Variants in ADGRL1 observed in about 807,000 individuals in gnomAD.
ADGRL1 encodes the protein CIRL-1.
ADGRL1 carries 31 observed loss-of-function variants against 148.9 expected under a neutral mutation model. The observed-to-expected ratio is 0.21, with a 90% CI of 0.16 to 0.28. ADGRL1 has a LOEUF of 0.28. ADGRL1 is among the 10% of genes least tolerant of loss of function. The pLI, the probability that ADGRL1 is intolerant of heterozygous loss-of-function variation, is 1.00. For missense variants in ADGRL1, 1,521 were observed against 2,058.8 expected (o/e 0.74, Z 5.05); for synonymous variants, 937 against 900.3 (o/e 1.04, Z -0.73).
intron 1 of ADGRL1, among the ~76,000 whole-genome samples, chr19:14,195,156 A>ATT (rs1972178551): frequency 6.6e-6 from 1 of 152,054 alleles, no homozygotes; most frequent in East Asian, 1.9e-4. Flanking sequence ...AAGTGCTGGG[A>ATT]TTACAGGTGT....
chr19:14,162,471 T>G lies in ADGRL1; in HGVS notation c.1195+135A>C, dbSNP rs1969493181. On this transcript the variant is annotated intron_variant, in intron 5 of 22. Coordinates refer to ENST00000361434, the MANE Select transcript of ADGRL1 (RefSeq NM_014921.5). The surrounding 1 kb of genome is among the most constrained non-coding windows in gnomAD (Gnocchi z 5.4). Reference sequence around the variant, plus strand: ...AGTGCTTAGAACAGCGTCTGTCACATGCTGTGAATTTCCTTTACCTCCCGA... The same window carrying G: ...AGTGCTTAGAACAGCGTCTGTCACAGGCTGTGAATTTCCTTTACCTCCCGA... 2 of 710,480 alleles carry G rather than the reference T, an allele frequency of 2.8e-6. No individual in the cohort carries two copies. Among genetic ancestry groups the G allele is most frequent in the Admixed American group, 5.1e-5 (2 of 39,242 alleles). The allele number at this position is 710,480 out of a possible 1,614,324, so 44.0% of individuals were successfully genotyped here. A position where few individuals can be genotyped will look rare whatever the true frequency, so the allele number is the denominator to read the frequency against.
At position 14,162,569 on chromosome 19, in the gene ADGRL1, C is replaced by T; in HGVS notation, c.1195+37G>A. On this transcript the variant is annotated intron_variant, in intron 5 of 22. Transcript: ENST00000361434. This position sits in a 1 kb window ranked among gnomAD's most constrained non-coding sequence, Gnocchi z 5.4. ...TGGGTGGGGGTGGAGGGGACAAAGG[C>T]AAGCAGGCTCCATGCCTGGAAGTGA... 1.3e-6 allele frequency: 2 copies of T among 1,562,854 alleles called. No individual in the cohort carries two copies. Among genetic ancestry groups the T allele is most frequent in the Non-Finnish European group, 1.7e-6 (2 of 1,149,414 alleles).
rs371684998 is a variant in ADGRL1, at chr19:14,157,155, G to A, written c.2746-10C>T. ...AGATGGGGCAGGCAATCTGCGGGGA[G>A]CACTGAGGGTGAGGGGCTGCTGCCT... On this transcript the variant is annotated splice_polypyrimidine_tract_variant and intron_variant, in intron 14 of 22. Coordinates refer to ENST00000361434, the MANE Select transcript of ADGRL1 (RefSeq NM_014921.5). This position sits in a 1 kb window ranked among gnomAD's most constrained non-coding sequence, Gnocchi z 7.5. 1 of 1,613,898 alleles carries A rather than the reference G, an allele frequency of 6.2e-7. No individual in the cohort carries two copies.
At chr19:14,205,560 C>T (rs1204020574) in intron 1 of ADGRL1, among the ~76,000 whole-genome samples, 2 of 151,902 alleles carry the variant, frequency 1.3e-5, no homozygotes, top group Non-Finnish European at 2.9e-5. Flanking sequence ...CGCTCACACC[C>T]AGACACCTAC....
chr19:14,156,825 G>A, intron 15 of ADGRL1, 100 bp downstream of exon 15: 1 of 1,519,396 alleles, frequency 6.6e-7, no homozygotes, highest in Non-Finnish European at 9.0e-7. Context: ...TCTGGGATCA[G>A]GAGGAGGAAG....
chr19:14,151,272 C>A lies in ADGRL1; in HGVS notation c.4011G>T (p.Glu1337Asp). ...ACTGGGCCCGGGGCAGCAGCAGAGG[C>A]TCCTCCAGGGCCTTATAGAGAAGTT... The part of the protein sequence containing the change: ...EIELLYKALE[E>D]PLLLPRAQSV... Residue 1337 changes from glutamate to aspartate, a missense_variant, in exon 23 of 23, where the codon GAG (glutamate) becomes GAT (aspartate). By Grantham distance (45) the Glu-to-Asp change is conservative. Coordinates refer to ENST00000361434, the MANE Select transcript of ADGRL1 (RefSeq NM_014921.5). The A allele has an allele frequency of 6.2e-7, 1 of 1,611,962 alleles. No individual in the cohort carries two copies. Among genetic ancestry groups the A allele is most frequent in the South Asian group, 1.1e-5 (1 of 91,068 alleles).
intron 1 of ADGRL1, among the ~76,000 whole-genome samples, chr19:14,191,696 CTT>C (rs202173891): frequency 6.9e-5 from 10 of 143,964 alleles, no homozygotes; most frequent in Admixed American, 2.1e-4. Context: ...CTGTCTCTCT[CTT>C]TTTTTTTTTT....
At chr19:14,186,777 G>A (rs1599494910) in intron 1 of ADGRL1, among the ~76,000 whole-genome samples, 1 of 152,080 alleles carries the variant, frequency 6.6e-6, no homozygotes, top group African/African-American at 2.4e-5. Context: ...GCCCCATTCT[G>A]TCCTCCCTCC....
rs1969097545 is a variant in ADGRL1 at position 14,159,313 on chromosome 19, G to T, written c.2023+88C>A. 1 of 1,574,298 alleles carries T rather than the reference G, an allele frequency of 6.4e-7. No individual in the cohort carries two copies. The highest frequency in any genetic ancestry group is 1.3e-5 in the African/African-American group (1 of 74,138). On this transcript the variant is annotated intron_variant, in intron 10 of 22. Coordinates refer to ENST00000361434, the MANE Select transcript of ADGRL1 (RefSeq NM_014921.5). The surrounding 1 kb of genome is among the most constrained non-coding windows in gnomAD (Gnocchi z 6.0). ...CGAGACTCTGGCAAGATGCCCAAGG[G>T]TCGGATAGCCCCCCTGTGGCCTCCA...
At chr19:14,167,926 G>A (rs905607695) in intron 4 of ADGRL1, among the ~76,000 whole-genome samples, 7 of 152,196 alleles carry the variant, frequency 4.6e-5, no homozygotes, top group Admixed American at 2.6e-4. Context: ...GCTGCCCTGC[G>A]GACGGGCGGC....
chr19:14,192,836 C>T lies in ADGRL1; in HGVS notation c.-95-9139G>A, dbSNP rs1386329453. 7.9e-5 allele frequency among the ~76,000 whole-genome samples: 12 copies of T among 152,324 alleles called. No homozygotes were observed. In the East Asian group the frequency reaches 2.3e-3, roughly 29 times the overall value. ...AAAGTGCTGAGATTACAGGCGTGAG[C>T]CACCGTGCCCAGCCTTCTAGATTTT... On this transcript the variant is annotated intron_variant, in intron 1 of 22. Coordinates refer to ENST00000361434, the MANE Select transcript of ADGRL1 (RefSeq NM_014921.5).
chr19:14,179,707 G>A (rs146988401), intron 2 of ADGRL1, among the ~76,000 whole-genome samples: 2,271 of 151,968 alleles, frequency 0.015, 48 homozygotes, highest in African/African-American at 0.053. Context: ...AGGAGTTTGA[G>A]ACCAGCCTGG....
chr19:14,158,198 T>C, intron 12 of ADGRL1, 140 bp downstream of exon 12: 1 of 1,209,908 alleles, frequency 8.3e-7, no homozygotes, highest in African/African-American at 1.5e-5. Context: ...CTGAGAGCTC[T>C]GGGGACAAAT....
chr19:14,190,378 C>G (rs1243457570), intron 1 of ADGRL1, among the ~76,000 whole-genome samples: 1 of 152,192 alleles, frequency 6.6e-6, no homozygotes, highest in Non-Finnish European at 1.5e-5. Flanking sequence ...GAGATCCTCC[C>G]ACCTCAGCCT....
At chr19:14,173,639 A>AAT (rs1172212766) in intron 3 of ADGRL1, among the ~76,000 whole-genome samples, 1 of 152,122 alleles carries the variant, frequency 6.6e-6, no homozygotes, top group Non-Finnish European at 1.5e-5. Context: ...AGGCAGCCCA[A>AAT]ACATCCACCA....
intron 1 of ADGRL1, among the ~76,000 whole-genome samples, chr19:14,195,376 G>T (rs1568630892): frequency 6.6e-6 from 1 of 151,834 alleles, no homozygotes; most frequent in Admixed American, 6.6e-5. Flanking sequence ...AGCGGCTGCT[G>T]GGGGAGAGGG....
intron 1 of ADGRL1, among the ~76,000 whole-genome samples, chr19:14,194,840 C>T (rs1018944861): frequency 6.6e-6 from 1 of 151,932 alleles, no homozygotes; most frequent in African/African-American, 2.4e-5. Context: ...AGTCTCTGGT[C>T]ACCTTATTTG....
At chr19:14,194,289 A>G (rs60921967) in intron 1 of ADGRL1, among the ~76,000 whole-genome samples, 28,190 of 152,168 alleles carry the variant, frequency 0.19, 3,158 homozygotes, top group East Asian at 0.39. Flanking sequence ...GTGGGAGCCT[A>G]GGAAATTCAT....
At chr19:14,163,552 C>T in intron 4 of ADGRL1, 146 bp from the exon 5 acceptor site, 1 of 658,156 alleles carries the variant, frequency 1.5e-6, no homozygotes, top group South Asian at 2.0e-5. Flanking sequence ...GTTGTCCCCT[C>T]CTGCTGCTGC....
Sources: gnomAD v4.1 joint callset for allele counts (sites outside exome capture counted in the v4.1 genomes callset) on GRCh38, gnomAD v4.1.1 for gene constraint, Gnocchi (gnomAD v3.1) non-coding constraint, MANE v1.5 for transcripts, NCBI Gene and HGNC (gene_info 2026-07-23, HGNC 2026-07-21) for gene names.